The following ATP2B2 variants were observed in gnomAD, a reference collection of about 807,000 sequenced individuals.
ATP2B2 encodes plasma membrane calcium-transporting ATPase 2.
A neutral mutation model predicts 120.0 loss-of-function variants in ATP2B2; 15 were observed. The ratio of observed to expected loss-of-function variants is 0.12; its 90% confidence interval spans 0.08 to 0.19. ATP2B2 has a LOEUF of 0.19. Among genes scored for constraint, ATP2B2 ranks in the 10% least tolerant of loss-of-function variants. ATP2B2 has a pLI of 1.00. For missense variants in ATP2B2, 1,045 were observed against 1,719.8 expected, an observed-to-expected ratio of 0.61 and a Z score of 6.94; for synonymous variants, 694 against 700.3, an observed-to-expected ratio of 0.99 and a Z score of 0.14.
At chr3:10,575,094 CTGGGGTCA>C in intron 2 of ATP2B2, among the ~76,000 whole-genome samples, 1 of 152,312 alleles carries the variant, frequency 6.6e-6, no homozygotes, top group Non-Finnish European at 1.5e-5. Flanking sequence ...TGCTCAGTGC[CTGGGGTCA>C]CAATACAGCC....
At chr3:10,642,628 A>G (rs372937220) in intron 1 of ATP2B2, among the ~76,000 whole-genome samples, 36 of 152,108 alleles carry the variant, frequency 2.4e-4, no homozygotes, top group Middle Eastern at 3.4e-3. Flanking sequence ...TAAAAAACAC[A>G]TGATTTTTCA....
intron 1 of ATP2B2, among the ~76,000 whole-genome samples, chr3:10,651,476 C>T (rs1230890935): frequency 2.0e-5 from 3 of 152,196 alleles, no homozygotes; most frequent in Non-Finnish European, 2.9e-5. Context: ...TGAGATGTGC[C>T]TTTCACCTTC....
chr3:10,521,142 C>T (rs1422230966), intron 3 of ATP2B2, among the ~76,000 whole-genome samples: 1 of 152,268 alleles, frequency 6.6e-6, no homozygotes, highest in South Asian at 2.1e-4. Context: ...GCACACATCC[C>T]AAGGAGTAGA....
chr3:10,483,944 C>T (rs1297831531), intron 1 of ATP2B2, among the ~76,000 whole-genome samples: 1 of 152,172 alleles, frequency 6.6e-6, no homozygotes, highest in Non-Finnish European at 1.5e-5. Context: ...AAAGGGGTCT[C>T]CCCTCGAGGG....
At chr3:10,401,115 C>T in intron 4 of ATP2B2, 37 bp from the exon 5 acceptor site, 1 of 1,611,978 alleles carries the variant, frequency 6.2e-7, no homozygotes. Flanking sequence ...AGCAGGCTCT[C>T]AGGTGACTAG....
At chr3:10,495,253 T>C (rs1034368542) in intron 1 of ATP2B2, among the ~76,000 whole-genome samples, 1 of 151,882 alleles carries the variant, frequency 6.6e-6, no homozygotes, top group African/African-American at 2.4e-5. Context: ...TCCTGGAGGG[T>C]TGGGGGAGGG....
intron 2 of ATP2B2, among the ~76,000 whole-genome samples, chr3:10,596,072 T>C (rs764449053): frequency 3.3e-5 from 5 of 152,170 alleles, no homozygotes; most frequent in Non-Finnish European, 5.9e-5. Flanking sequence ...AGGTCCCCTC[T>C]GCAGAGAGGC....
intron 2 of ATP2B2, among the ~76,000 whole-genome samples, chr3:10,424,468 C>T (rs2063086232): frequency 6.6e-6 from 1 of 152,206 alleles, no homozygotes; most frequent in Non-Finnish European, 1.5e-5. Flanking sequence ...CCTAGGGATG[C>T]CAAGCACCTG....
At chr3:10,668,658 C>T (rs981559101) in intron 1 of ATP2B2, among the ~76,000 whole-genome samples, 9 of 152,130 alleles carry the variant, frequency 5.9e-5, no homozygotes, top group African/African-American at 2.2e-4. Context: ...ACCCCCCCAC[C>T]CCTTCTGCAC....
chr3:10,368,419 T>C (rs1207434215), intron 12 of ATP2B2, among the ~76,000 whole-genome samples: 2 of 152,140 alleles, frequency 1.3e-5, no homozygotes, highest in East Asian at 1.9e-4. Flanking sequence ...TCCTATAAAT[T>C]CATAGTCACC....
chr3:10,685,500 G>A (rs2071497508), intron 1 of ATP2B2, among the ~76,000 whole-genome samples: 1 of 131,670 alleles, frequency 7.6e-6, no homozygotes, highest in Non-Finnish European at 1.7e-5. Context: ...ACTTGCCTGA[G>A]AGAGAGAGAG....
At position 10,580,639 on chromosome 3, in the gene ATP2B2, C is replaced by T. The variant is rs1280230859; in HGVS notation, c.-415+39278G>A. ...CCGCAGCCCCTCCTCCCTGCCTCCC[C>T]CTCCCTGTCTCCCTGCTCCCACGCC... On this transcript the variant is annotated intron_variant, in intron 2 of 21. Coordinates refer to the ATP2B2 transcript ENST00000646379. 2.6e-5 allele frequency among the ~76,000 whole-genome samples: 4 copies of T among 152,166 alleles called. 1 individual carries two copies. The highest frequency in any genetic ancestry group is 5.9e-5 in the Non-Finnish European group (4 of 68,034).
chr3:10,456,273 T>G (rs2064256153), intron 1 of ATP2B2, among the ~76,000 whole-genome samples: 1 of 152,210 alleles, frequency 6.6e-6, no homozygotes, highest in Non-Finnish European at 1.5e-5. Flanking sequence ...GATGCCAAAT[T>G]CTTCTGTTTT....
chr3:10,671,662 G>A (rs192351125), intron 1 of ATP2B2, among the ~76,000 whole-genome samples: 63 of 152,138 alleles, frequency 4.1e-4, no homozygotes, highest in Non-Finnish European at 7.5e-4. Context: ...CTTCTTGTTT[G>A]GAGTCTGTGA....
intron 1 of ATP2B2, among the ~76,000 whole-genome samples, chr3:10,646,555 T>G (rs2070325767): frequency 6.6e-6 from 1 of 152,106 alleles, no homozygotes; most frequent in South Asian, 2.1e-4. Flanking sequence ...TGTGAGCTCT[T>G]AAGAATGGGG....
chr3:10,450,683 G>A (rs762260695), intron 1 of ATP2B2, among the ~76,000 whole-genome samples: 1 of 152,162 alleles, frequency 6.6e-6, no homozygotes, highest in Non-Finnish European at 1.5e-5. Context: ...GGGGGAGGGG[G>A]GTCCCTATGG....
rs2059853753 is a variant in ATP2B2 at position 10,326,135 on chromosome 3, G to A, written c.*2679C>T. On this transcript the variant is annotated 3_prime_UTR_variant, in exon 23 of 23. Transcript: ENST00000360273. ...GATAAAAAAATTCATAAAAACAGAT[G>A]AATGGTCATAAATTATTTACCCCCT... 2 of 152,554 alleles carry A rather than the reference G, an allele frequency of 1.3e-5. No individual in the cohort carries two copies. Among genetic ancestry groups the A allele is most frequent in the Non-Finnish European group, 2.9e-5 (2 of 68,044 alleles). The allele number at this position is 152,554 out of a possible 1,614,324, so 9.5% of individuals were successfully genotyped here.
chr3:10,392,777 G>A (rs1373767043), intron 5 of ATP2B2, among the ~76,000 whole-genome samples: 1 of 152,244 alleles, frequency 6.6e-6, no homozygotes, highest in Non-Finnish European at 1.5e-5. Flanking sequence ...TGTGACCTTG[G>A]GGCCAGCCCC....
chr3:10,406,584 T>C (rs906052369), intron 3 of ATP2B2, among the ~76,000 whole-genome samples: 2 of 152,246 alleles, frequency 1.3e-5, no homozygotes, highest in African/African-American at 2.4e-5. Context: ...GGCTGCACCA[T>C]ACAGCTCAGG....
Sources: gnomAD v4.1 joint callset for allele counts (sites outside exome capture counted in the v4.1 genomes callset) on GRCh38, gnomAD v4.1.1 for gene constraint, MANE v1.5 for transcripts, NCBI Gene and HGNC (gene_info 2026-07-23, HGNC 2026-07-21) for gene names.